The following GARNL3 variants were observed in gnomAD, a reference collection of about 807,000 sequenced individuals.
GARNL3 encodes the protein GTPase-activating Rap/Ran-GAP domain-like protein 3.
Under a neutral mutation model 125.0 loss-of-function variants are expected in GARNL3, and 63 were observed. The ratio of observed to expected loss-of-function variants is 0.50; its 90% CI spans 0.41 to 0.62. The LOEUF (loss-of-function observed/expected upper bound fraction) is 0.62. Among genes scored for constraint, GARNL3 ranks in the 20% least tolerant of loss-of-function variants. GARNL3 has a pLI of 0.00. For missense variants in GARNL3, 994 were observed against 1,244.0 expected, an observed-to-expected ratio of 0.80 and a Z score of 3.02; for synonymous variants, 439 against 457.5, an observed-to-expected ratio of 0.96 and a Z score of 0.52.
rs576521049 is a variant in GARNL3 at position 127,311,677 on chromosome 9, G to A, written c.261G>A (p.Val87=). 70 of 1,614,006 alleles carry A rather than the reference G, an allele frequency of 4.3e-5. No individual in the cohort carries two copies. In the South Asian group the frequency reaches 7.7e-4, roughly 18 times the overall value. The change falls in exon 3 of 28, where the codon GTG becomes GTA. Residue 87 remains valine, a synonymous_variant. Coordinates refer to ENST00000373387, the MANE Select transcript of GARNL3 (RefSeq NM_032293.5). The part of the protein sequence containing the change: ...ALPGTWRRTD[V]HLENPEYHTR... ...CTGGTACTTGGCGAAGAACAGACGTGCACTTAGAGAACCCAGAATACCACA... is the reference window on the plus strand; with the variant it reads ...CTGGTACTTGGCGAAGAACAGACGTACACTTAGAGAACCCAGAATACCACA...
chr9:127,255,066 C>T (rs923770169), intron 2 of GARNL3, among the ~76,000 whole-genome samples: 5 of 152,114 alleles, frequency 3.3e-5, no homozygotes, highest in South Asian at 4.1e-4. Context: ...GGTAAATTGG[C>T]GTACTCACTT....
At position 127,387,330 on chromosome 9, in the gene GARNL3, A is replaced by T; in HGVS notation, c.2526A>T (p.Glu842Asp). 1 of 1,609,184 alleles carries T rather than the reference A, an allele frequency of 6.2e-7. No homozygotes were observed. Residue 842 changes from glutamate (E) to aspartate (D), a missense_variant and splice_region_variant, in exon 25 of 28, where the codon GAA becomes GAT. Physicochemically the swap from Glu to Asp is conservative, Grantham distance 45. Coordinates refer to ENST00000373387, the MANE Select transcript of GARNL3 (RefSeq NM_032293.5). Reference protein sequence around the residue: ...DTPVFPSSLGEGEIQSKNLYK... With the variant: ...DTPVFPSSLGDGEIQSKNLYK... Reference sequence around the variant, plus strand: ...CAGTATTTCCTTCTTCCCTGGGGGAAGGTGAAGTCCAAGTTTTACTGTTTT... The same window carrying T: ...CAGTATTTCCTTCTTCCCTGGGGGATGGTGAAGTCCAAGTTTTACTGTTTT...
At chr9:127,262,926 G>A (rs962388055), upstream of GARNL3, among the ~76,000 whole-genome samples, 7 of 152,334 alleles carry the variant, frequency 4.6e-5, no homozygotes, top group African/African-American at 1.4e-4. Flanking sequence ...CCTGGGAAAG[G>A]AAGAGGGAAG....
chr9:127,359,965 A>C (rs1215672931), intron 21 of GARNL3, among the ~76,000 whole-genome samples: 1 of 151,932 alleles, frequency 6.6e-6, no homozygotes, highest in Non-Finnish European at 1.5e-5. Context: ...CCTCTCTTCT[A>C]TGTGCTTCTT....
At chr9:127,235,594 G>A (rs2063096054) in intron 1 of GARNL3, among the ~76,000 whole-genome samples, 1 of 152,052 alleles carries the variant, frequency 6.6e-6, no homozygotes, top group Non-Finnish European at 1.5e-5. Flanking sequence ...GATACATAAT[G>A]TGATTGACAT....
chr9:127,345,899 C>T (rs986215424), intron 16 of GARNL3, among the ~76,000 whole-genome samples: 4 of 152,218 alleles, frequency 2.6e-5, no homozygotes, highest in African/African-American at 9.6e-5. Flanking sequence ...CAGCAAGGCT[C>T]CTGGGCAGTG....
chr9:127,345,139 A>C (rs940781996), intron 15 of GARNL3, among the ~76,000 whole-genome samples: 2 of 152,164 alleles, frequency 1.3e-5, no homozygotes, highest in Non-Finnish European at 2.9e-5. Flanking sequence ...CATTTTTTCA[A>C]GCTCATGGTT....
chr9:127,387,004 A>C (rs1056758034), intron 24 of GARNL3, 189 bp from the exon 25 acceptor site: 3 of 513,392 alleles, frequency 5.8e-6, no homozygotes, highest in Non-Finnish European at 1.0e-5. Flanking sequence ...ATACTCAGGA[A>C]AAGTGTAACT....
At chr9:127,306,514 T>C (rs959461433) in intron 2 of GARNL3, among the ~76,000 whole-genome samples, 12 of 152,052 alleles carry the variant, frequency 7.9e-5, no homozygotes, top group African/African-American at 2.7e-4. Context: ...GATCACGAGG[T>C]CAGGAGATCA....
At chr9:127,261,243 C>T (rs959578712), upstream of GARNL3, among the ~76,000 whole-genome samples, 7 of 151,518 alleles carry the variant, frequency 4.6e-5, no homozygotes, top group Non-Finnish European at 1.0e-4. Flanking sequence ...GCAACAAGAG[C>T]GAAACTCTGT....
chr9:127,326,524 C>A (rs1316869258), intron 7 of GARNL3, among the ~76,000 whole-genome samples: 1 of 152,154 alleles, frequency 6.6e-6, no homozygotes, highest in African/African-American at 2.4e-5. Context: ...GTGATTATTA[C>A]ACATTGCATG....
intron 1 of GARNL3, among the ~76,000 whole-genome samples, chr9:127,226,642 A>AC (rs2062919091): frequency 6.6e-6 from 1 of 151,764 alleles, no homozygotes; most frequent in South Asian, 2.1e-4. Flanking sequence ...GTATACGCCC[A>AC]CCCCTCCTCC....
chr9:127,260,211 G>C (rs1485500164), upstream of GARNL3, among the ~76,000 whole-genome samples: 1 of 152,224 alleles, frequency 6.6e-6, no homozygotes, highest in Non-Finnish European at 1.5e-5. Flanking sequence ...CCTGGATTAA[G>C]TTAGCCTTGT....
At chr9:127,276,161 G>A (rs1018245167) in intron 1 of GARNL3, among the ~76,000 whole-genome samples, 1 of 149,594 alleles carries the variant, frequency 6.7e-6, no homozygotes, top group African/African-American at 2.5e-5. Context: ...TGAATTGATT[G>A]ATTGATTGTA....
intron 1 of GARNL3, among the ~76,000 whole-genome samples, chr9:127,289,133 T>A (rs2064337709): frequency 6.6e-6 from 1 of 152,102 alleles, no homozygotes; most frequent in Non-Finnish European, 1.5e-5. Context: ...CCTCTATACT[T>A]CCCCTGTGAA....
At chr9:127,388,432 G>A (rs1832664182) in intron 25 of GARNL3, 1 of 161,902 alleles carries the variant, frequency 6.2e-6, no homozygotes, top group African/African-American at 2.4e-5. Flanking sequence ...GGTTTTGAAA[G>A]CTAAAAGAAT....
At chr9:127,334,100 G>T (rs1829416881) in intron 9 of GARNL3, among the ~76,000 whole-genome samples, 1 of 152,166 alleles carries the variant, frequency 6.6e-6, no homozygotes, top group South Asian at 2.1e-4. Flanking sequence ...ACACTTCAGG[G>T]TTTCTGCCCT....
intron 1 of GARNL3, among the ~76,000 whole-genome samples, chr9:127,229,716 C>T (rs986403819): frequency 2.0e-5 from 3 of 152,136 alleles, no homozygotes; most frequent in East Asian, 1.9e-4. Flanking sequence ...AGGCTGATCT[C>T]GAAATCCTGG....
chr9:127,224,996 G>A (rs1434356082), intron 1 of GARNL3, among the ~76,000 whole-genome samples: 1 of 147,262 alleles, frequency 6.8e-6, no homozygotes, highest in African/African-American at 2.5e-5. Context: ...AGTTGGGAGC[G>A]GGGCCGGGGC....
Sources: allele counts gnomAD v4.1 joint callset (sites outside exome capture counted in the v4.1 genomes callset), GRCh38; gene constraint gnomAD v4.1.1; transcripts MANE v1.5; gene names NCBI Gene and HGNC (gene_info 2026-07-23, HGNC 2026-07-21).